The following ARK2C variants were observed in gnomAD, a reference collection of about 807,000 sequenced individuals.
ARK2C encodes arkadia (RNF111) C-terminal like ring finger ubiquitin ligase 2C.
chr18:46,428,859 C>G, the ARK2C span, among the ~76,000 whole-genome samples: 9 of 152,172 alleles, frequency 5.9e-5, no homozygotes, highest in South Asian at 2.1e-4. Context: ...CCTGTGTGGC[C>G]CACATTATAA....
the ARK2C span, among the ~76,000 whole-genome samples, chr18:46,408,708 G>A: frequency 1.3e-5 from 2 of 152,156 alleles, no homozygotes; most frequent in Non-Finnish European, 2.9e-5. Context: ...AACAGTCCGA[G>A]GTCACATCCT....
the ARK2C span, among the ~76,000 whole-genome samples, chr18:46,353,011 T>G: frequency 1.3e-5 from 2 of 152,182 alleles, no homozygotes; most frequent in Admixed American, 6.5e-5. Flanking sequence ...TTCACCCAAA[T>G]AGGCAAAGAC....
the ARK2C span, among the ~76,000 whole-genome samples, chr18:46,378,740 G>A: frequency 3.4e-4 from 52 of 152,220 alleles, no homozygotes; most frequent in Admixed American, 3.4e-3. Context: ...GTCTAGGGCA[G>A]AGGGTGCAAG....
chr18:46,448,604 C>T, the ARK2C span, among the ~76,000 whole-genome samples: 2 of 152,138 alleles, frequency 1.3e-5, no homozygotes, highest in African/African-American at 2.4e-5. Flanking sequence ...ATGCCTGCCT[C>T]GCCCATCTCA....
the ARK2C span, among the ~76,000 whole-genome samples, chr18:46,367,287 C>T: frequency 6.6e-6 from 1 of 152,208 alleles, no homozygotes; most frequent in Non-Finnish European, 1.5e-5. Flanking sequence ...ACCAGATGAC[C>T]TCTGAGGTTT....
the ARK2C span, among the ~76,000 whole-genome samples, chr18:46,348,607 C>T: frequency 0.036 from 5,501 of 152,110 alleles, 315 homozygotes; most frequent in African/African-American, 0.13. Context: ...TGGGAGACCT[C>T]CTGGAAGACA....
At chr18:46,409,319 TC>T in the ARK2C span, among the ~76,000 whole-genome samples, 1 of 152,060 alleles carries the variant, frequency 6.6e-6, no homozygotes, top group Non-Finnish European at 1.5e-5. Flanking sequence ...AACAAACAAG[TC>T]CGGTGAGATT....
the ARK2C span, among the ~76,000 whole-genome samples, chr18:46,357,906 TG>T: frequency 6.6e-6 from 1 of 152,294 alleles, no homozygotes; most frequent in African/African-American, 2.4e-5. Context: ...TCCTCTCTTC[TG>T]GGGGTTGCTG....
the ARK2C span, among the ~76,000 whole-genome samples, chr18:46,406,649 G>A: frequency 1.3e-5 from 2 of 152,236 alleles, no homozygotes; most frequent in African/African-American, 4.8e-5. Context: ...GGTGCCCTCA[G>A]TGTGCCCTGG....
chr18:46,362,531 T>G, the ARK2C span, among the ~76,000 whole-genome samples: 1 of 152,192 alleles, frequency 6.6e-6, no homozygotes, highest in Non-Finnish European at 1.5e-5. Context: ...TTTCTGTCCC[T>G]GCAAACCCTG....
At chr18:46,391,829 G>C in the ARK2C span, among the ~76,000 whole-genome samples, 1 of 150,726 alleles carries the variant, frequency 6.6e-6, no homozygotes, top group African/African-American at 2.4e-5. Context: ...TATAACACAT[G>C]TACAGACCAC....
chr18:46,383,615 T>C, the ARK2C span, among the ~76,000 whole-genome samples: 1,124 of 141,404 alleles, frequency 7.9e-3, 11 homozygotes, highest in African/African-American at 0.028. Flanking sequence ...AGTACAGTGG[T>C]GCGATCTCAG....
At chr18:46,415,599 A>T in the ARK2C span, among the ~76,000 whole-genome samples, 41,717 of 151,946 alleles carry the variant, frequency 0.27, 6,893 homozygotes, top group East Asian at 0.78. Flanking sequence ...CTGGTGCACT[A>T]GGCCCTTTAT....
At chr18:46,386,462 T>A in the ARK2C span, 1 of 152,134 alleles carries the variant, frequency 6.6e-6, no homozygotes, top group Non-Finnish European at 1.5e-5. Context: ...TATCAATTTT[T>A]TTTTCCCTAA....
At chr18:46,455,846 AAAAC>A in the ARK2C span, 3 of 618,020 alleles carry the variant, frequency 4.9e-6, no homozygotes, top group East Asian at 2.8e-5. Context: ...AAAACAAAAC[AAAAC>A]AAACAAAAAA....
At chr18:46,348,887 T>C in the ARK2C span, among the ~76,000 whole-genome samples, 1 of 144,512 alleles carries the variant, frequency 6.9e-6, no homozygotes, top group Non-Finnish European at 1.5e-5. Flanking sequence ...CACAGAACTC[T>C]CTCTCTCTCT....
chr18:46,415,580 GC>G, the ARK2C span, among the ~76,000 whole-genome samples: 3 of 152,020 alleles, frequency 2.0e-5, no homozygotes, highest in African/African-American at 7.2e-5. Context: ...TGCTGAAGGA[GC>G]CCCCTCCCTG....
chr18:46,399,627 C>G, the ARK2C span, among the ~76,000 whole-genome samples: 2 of 152,132 alleles, frequency 1.3e-5, no homozygotes, highest in African/African-American at 4.8e-5. Context: ...TGCTGCCTGG[C>G]CAGGCCTGCC....
chr18:46,436,937 C>T, the ARK2C span, among the ~76,000 whole-genome samples: 1 of 152,206 alleles, frequency 6.6e-6, no homozygotes, highest in Non-Finnish European at 1.5e-5. Context: ...CAAGGGCCTA[C>T]AGGGAAGTGG....
Sources: allele counts gnomAD v4.1 joint callset (sites outside exome capture counted in the v4.1 genomes callset), GRCh38; gene constraint gnomAD v4.1.1; transcripts MANE v1.5; gene names NCBI Gene and HGNC (gene_info 2026-07-23, HGNC 2026-07-21).